The following TGFBR3 variants were observed in gnomAD, a reference collection of about 807,000 sequenced individuals.
TGFBR3 encodes the protein transforming growth factor beta receptor 3.
In TGFBR3, 46 loss-of-function variants were observed where a neutral mutation model predicts 87.9. The observed-to-expected ratio is 0.52, with a 90% CI of 0.41 to 0.67. The LOEUF is 0.67. Ranked by LOEUF, TGFBR3 falls within the 30% of genes least tolerant of loss-of-function variation. The pLI, the probability that TGFBR3 is intolerant of heterozygous loss-of-function variation, is 0.00. For missense variants in TGFBR3, 866 were observed against 1,041.9 expected, an observed-to-expected ratio of 0.83 and a Z score of 2.32; for synonymous variants, 381 against 391.6, an observed-to-expected ratio of 0.97 and a Z score of 0.32.
At chr1:91,729,722 C>CG in intron 6 of TGFBR3, 83 bp downstream of exon 6, 1 of 1,539,074 alleles carries the variant, frequency 6.5e-7, no homozygotes, top group Non-Finnish European at 9.0e-7. Flanking sequence ...GGGTGTAGGA[C>CG]GGGCTACACC....
At chr1:91,713,938 A>G (rs150758274) in intron 12 of TGFBR3, among the ~76,000 whole-genome samples, 38 of 152,174 alleles carry the variant, frequency 2.5e-4, no homozygotes, top group African/African-American at 8.7e-4. Flanking sequence ...ATGTAGCGGC[A>G]GAATGTCTAA....
intron 4 of TGFBR3, among the ~76,000 whole-genome samples, chr1:91,743,237 C>T (rs1571464080): frequency 6.6e-6 from 1 of 152,150 alleles, no homozygotes; most frequent in Non-Finnish European, 1.5e-5. Flanking sequence ...GCCTCCCCAA[C>T]GTTGGTTTAG....
intron 7 of TGFBR3, among the ~76,000 whole-genome samples, chr1:91,726,981 C>T (rs957578339): frequency 6.6e-6 from 1 of 152,184 alleles, no homozygotes. Flanking sequence ...TTTGAGGAAA[C>T]CAGCTGCTGT....
chr1:91,758,601 T>G lies in TGFBR3; in HGVS notation c.384+12A>C, dbSNP rs763052375. ...TGCTAAGGATCAGTTTGGGGGAGGT[T>G]TAAGCACTTACCAAAAACAGTCTGG... On this transcript the variant is annotated intron_variant, in intron 4 of 16. Coordinates refer to ENST00000212355, the MANE Select transcript of TGFBR3 (RefSeq NM_003243.5). 10 of 1,613,792 alleles carry G rather than the reference T, an allele frequency of 6.2e-6. No individual in the cohort carries two copies. The East Asian group carries it at 2.2e-4, about 36-fold the overall frequency.
In TGFBR3 at chr1:91,719,363, G is replaced by A. The variant is rs773132708; in HGVS notation, c.1515C>T (p.Cys505=). The A allele has an allele frequency of 3.8e-5, 61 of 1,614,006 alleles. No individual in the cohort carries two copies. Among genetic ancestry groups the A allele is most frequent in the South Asian group, 7.7e-5 (7 of 91,070 alleles). Residue 505 remains cysteine, a synonymous_variant, in exon 10 of 17, where the codon TGC becomes TGT. Coordinates refer to ENST00000212355, the MANE Select transcript of TGFBR3 (RefSeq NM_003243.5). ...HFVLESPLNG[C]GTRPRWSALD... is the part of the protein sequence containing the mutation. ...GGGCTGACCACCGGGGCCGAGTACC[G>A]CAGCCATTCAGAGGAGACTCCAAAA...
intron 2 of TGFBR3, among the ~76,000 whole-genome samples, chr1:91,813,768 C>A (rs909406429): frequency 6.6e-6 from 1 of 152,196 alleles, no homozygotes; most frequent in African/African-American, 2.4e-5. Flanking sequence ...CAGTCCCCAA[C>A]CTTTTTGGCA....
chr1:91,727,712 A>C lies in TGFBR3; in HGVS notation c.832T>G (p.Ser278Ala). The change falls in exon 7 of 17, where the codon TCT (serine) becomes GCT (alanine). Residue 278 changes from serine to alanine, a missense_variant. By Grantham distance (99) the Ser-to-Ala change is moderately conservative (BLOSUM62 1). Coordinates refer to ENST00000212355, the MANE Select transcript of TGFBR3 (RefSeq NM_003243.5). ...NLILILKCKK[S>A]VNWVIKSFDV... ...AAAGATTTGATCACCCAGTTGACAG[A>C]CTTTTTGCACTTCAAGATCAGGATG... 1 of 1,614,150 alleles carries C rather than the reference A, an allele frequency of 6.2e-7. No homozygotes were observed. Among genetic ancestry groups the C allele is most frequent in the African/African-American group, 1.3e-5 (1 of 75,058 alleles).
intron 2 of TGFBR3, among the ~76,000 whole-genome samples, chr1:91,807,707 G>A (rs1382427119): frequency 2.0e-5 from 3 of 152,208 alleles, no homozygotes; most frequent in Non-Finnish European, 4.4e-5. Flanking sequence ...TGAGGAAGTG[G>A]TGCTGTTATG....
chr1:91,829,405 A>C (rs920044742), intron 2 of TGFBR3, among the ~76,000 whole-genome samples: 3 of 151,816 alleles, frequency 2.0e-5, no homozygotes, highest in Admixed American at 1.3e-4. Flanking sequence ...CAAAAAAAAA[A>C]AAACAAGGCA....
chr1:91,697,984 G>C lies in TGFBR3; in HGVS notation c.2329+105C>G, dbSNP rs1671487913. 3.8e-6 allele frequency: 4 copies of C among 1,043,186 alleles called. No individual in the cohort carries two copies. In the East Asian group the frequency reaches 9.5e-5, roughly 25 times the overall value. 64.6% of individuals were successfully genotyped at this position (1,043,186 alleles called of 1,614,324 possible). A position where few individuals can be genotyped will look rare whatever the true frequency, so the allele number is the denominator to read the frequency against. ...GAAGGGGGAAGGGGGAATGAGAGCA[G>C]AAGTCTCCTTATCAAAACTCAAAGT... is the stretch of plus-strand genomic sequence containing the variant. On this transcript the variant is annotated intron_variant, in intron 15 of 16. Coordinates refer to ENST00000212355, the MANE Select transcript of TGFBR3 (RefSeq NM_003243.5).
chr1:91,889,732 C>A (rs1679406721), upstream of TGFBR3, among the ~76,000 whole-genome samples: 2 of 151,994 alleles, frequency 1.3e-5, no homozygotes, highest in Admixed American at 1.3e-4. Context: ...TAGAGTGCAG[C>A]AGCGCGATCT....
At position 91,698,513 on chromosome 1, in the gene TGFBR3, CTTTT is replaced by C. The variant is rs35919369; in HGVS notation, c.2288-387_2288-384del. Among the ~76,000 whole-genome samples, 8 of 120,724 alleles carry C rather than the reference CTTTT, an allele frequency of 6.6e-5. No homozygotes were observed. In the South Asian group the frequency reaches 1.9e-3, roughly 29 times the overall value. 79.2% of individuals were successfully genotyped at this position (120,724 alleles called of 152,430 possible). Reference sequence around the variant, plus strand: ...AATATTATTCTGCTTTCAAAATATTCTTTTTTTTTTTTTTTTTTTGAGGGTCTCA... The same window carrying C: ...AATATTATTCTGCTTTCAAAATATTCTTTTTTTTTTTTTTTGAGGGTCTCA... On this transcript the variant is annotated intron_variant, in intron 14 of 16. Coordinates refer to ENST00000212355, the MANE Select transcript of TGFBR3 (RefSeq NM_003243.5).
chr1:91,790,433 T>A (rs1675143779), intron 3 of TGFBR3, among the ~76,000 whole-genome samples: 1 of 152,186 alleles, frequency 6.6e-6, no homozygotes. Flanking sequence ...AACACATTTC[T>A]CTGAATGTGT....
chr1:91,806,616 A>G (rs1313537094), intron 2 of TGFBR3, among the ~76,000 whole-genome samples: 1 of 152,210 alleles, frequency 6.6e-6, no homozygotes, highest in Non-Finnish European at 1.5e-5. Flanking sequence ...CAGCACTCTG[A>G]TTCCCCATAT....
chr1:91,689,484 C>T (rs931104555), intron 16 of TGFBR3, among the ~76,000 whole-genome samples: 6 of 152,000 alleles, frequency 3.9e-5, no homozygotes, highest in African/African-American at 1.5e-4. Flanking sequence ...TTAAAAAATC[C>T]ATTGAATAAG....
Position 91,716,656 on chromosome 1 carries a change from T to A in TGFBR3, c.1619A>T (p.Tyr540Phe). The A allele has an allele frequency of 6.2e-7, 1 of 1,614,154 alleles. No individual in the cohort carries two copies. Among genetic ancestry groups the A allele is most frequent in the Non-Finnish European group, 8.5e-7 (1 of 1,180,028 alleles). The change falls in exon 11 of 17, where the codon TAT becomes TTT. Residue 540 changes from tyrosine to phenylalanine, a missense_variant. Tyr to Phe is a conservative substitution (Grantham distance 22). Transcript: ENST00000212355. ...LGDSSGWPDG[Y>F]EDLESGDNGF... ...ATTATCACCTGACTCCAGATCTTCA[T>A]AACCATCTGGCCAACCACTACTGTC...
chr1:91,741,338 G>A (rs1037978738), intron 4 of TGFBR3, among the ~76,000 whole-genome samples: 3 of 152,100 alleles, frequency 2.0e-5, no homozygotes, highest in African/African-American at 7.2e-5. Context: ...CACAGGGCAA[G>A]GTACGGGGAA....
upstream of TGFBR3, among the ~76,000 whole-genome samples, chr1:91,888,980 C>T (rs1042323850): frequency 6.6e-5 from 10 of 152,110 alleles, no homozygotes; most frequent in Non-Finnish European, 1.5e-4. Context: ...CTCCTGGGCT[C>T]AAGCAATTCT....
At chr1:91,764,317 C>CAAAAAAAAAA (rs200776741) in intron 3 of TGFBR3, among the ~76,000 whole-genome samples, 146 of 77,136 alleles carry the variant, frequency 1.9e-3, no homozygotes, top group Middle Eastern at 8.9e-3. Flanking sequence ...ACAAAAGAGA[C>CAAAAAAAAAA]AAAAAAAAAA....
Sources: allele counts gnomAD v4.1 joint callset (sites outside exome capture counted in the v4.1 genomes callset), GRCh38; gene constraint gnomAD v4.1.1; transcripts MANE v1.5; gene names NCBI Gene and HGNC (gene_info 2026-07-23, HGNC 2026-07-21).